Variants in G3BP2 observed in about 807,000 individuals in gnomAD.
G3BP2 encodes the protein ras GTPase-activating protein-binding protein 2.
A neutral mutation model predicts 56.7 loss-of-function variants in G3BP2; 11 were observed. The observed-to-expected ratio is 0.19, with a 90% CI of 0.12 to 0.32. The LOEUF (loss-of-function observed/expected upper bound fraction) is 0.32, where lower values mean the gene tolerates loss of function less well. Ranked by LOEUF, G3BP2 falls within the 10% of genes least tolerant of loss-of-function variation. G3BP2 has a pLI of 1.00. For synonymous variants in G3BP2, 165 were observed against 191.6 expected (o/e 0.86, Z 1.15); for missense variants, 340 against 610.9 (o/e 0.56, Z 4.67).
At chr4:75,657,406 T>A in intron 4 of G3BP2, 151 bp downstream of exon 4, 2 of 569,342 alleles carry the variant, frequency 3.5e-6, no homozygotes, top group Non-Finnish European at 6.1e-6. Context: ...TCAAAGCACA[T>A]GTACACACAC....
At chr4:75,719,887 C>T (rs1474561789) in intron 3 of G3BP2, among the ~76,000 whole-genome samples, 2 of 152,042 alleles carry the variant, frequency 1.3e-5, no homozygotes, top group Non-Finnish European at 2.9e-5. Context: ...CCGTGCCCGG[C>T]CTGGTCTCAT....
chr4:75,646,748 C>A (rs1174945153), intron 10 of G3BP2, among the ~76,000 whole-genome samples: 2 of 152,120 alleles, frequency 1.3e-5, no homozygotes, highest in East Asian at 1.9e-4. Flanking sequence ...AATATATTGA[C>A]CCATTTGCCA....
intron 3 of G3BP2, among the ~76,000 whole-genome samples, chr4:75,699,132 T>C (rs571106646): frequency 5.9e-5 from 9 of 152,314 alleles, no homozygotes; most frequent in African/African-American, 2.2e-4. Flanking sequence ...ACATTGCTTC[T>C]GTAGTTCTCC....
intron 2 of G3BP2, chr4:75,661,459 G>A (rs562887975): frequency 6.9e-6 from 1 of 145,930 alleles, no homozygotes; most frequent in South Asian, 2.2e-4. Flanking sequence ...TAGTTCTCCA[G>A]CACCTGCCCC....
chr4:75,647,060 A>T lies in G3BP2; in HGVS notation c.1026T>A (p.Ile342=). ...AGAATTCCTTTAGCTCATTTTCATC[A>T]ATATCATGTGGCAAGTTACCAACAA... is the stretch of plus-strand genomic sequence containing the variant. The part of the protein sequence containing the change: ...QLFVGNLPHD[I]DENELKEFFM... The change falls in exon 10 of 12, where the codon ATT becomes ATA. Residue 342 remains isoleucine (I), a synonymous_variant. Transcript: ENST00000359707. 1 of 1,597,908 alleles carries T rather than the reference A, an allele frequency of 6.3e-7. No homozygotes were observed. The highest frequency in any genetic ancestry group is 8.6e-7 in the Non-Finnish European group (1 of 1,168,132).
chr4:75,716,173 CT>C (rs796505168), intron 3 of G3BP2, among the ~76,000 whole-genome samples: 1 of 151,912 alleles, frequency 6.6e-6, no homozygotes, highest in Admixed American at 6.6e-5. Flanking sequence ...TTTTCTAGTT[CT>C]TTTTTTTCCC....
intron 8 of G3BP2, among the ~76,000 whole-genome samples, chr4:75,650,682 A>G (rs888337776): frequency 6.6e-6 from 1 of 152,082 alleles, no homozygotes; most frequent in East Asian, 1.9e-4. Context: ...ATTTATATGT[A>G]TTTACTCCTA....
At chr4:75,709,011 G>A (rs991663471) in intron 3 of G3BP2, among the ~76,000 whole-genome samples, 7 of 152,088 alleles carry the variant, frequency 4.6e-5, no homozygotes, top group African/African-American at 1.7e-4. Flanking sequence ...TTGGGAGGCC[G>A]AGGTGGGAGA....
chr4:75,713,092 T>C (rs199998178), intron 3 of G3BP2, among the ~76,000 whole-genome samples: 11 of 152,318 alleles, frequency 7.2e-5, no homozygotes, highest in East Asian at 1.9e-4. Flanking sequence ...ATTTAATCCT[T>C]ACACCAATGC....
At chr4:75,701,381 C>G (rs1435249590) in intron 3 of G3BP2, among the ~76,000 whole-genome samples, 1 of 152,172 alleles carries the variant, frequency 6.6e-6, no homozygotes, top group Non-Finnish European at 1.5e-5. Context: ...CAACCTCCGC[C>G]TCCTGAGTAG....
intron 3 of G3BP2, among the ~76,000 whole-genome samples, chr4:75,716,584 C>T (rs140802787): frequency 6.4e-4 from 98 of 152,148 alleles, no homozygotes; most frequent in African/African-American, 2.2e-3. Flanking sequence ...GGCGCGATCT[C>T]GGCTCACCGC....
intron 3 of G3BP2, among the ~76,000 whole-genome samples, chr4:75,689,274 G>T (rs2149078768): frequency 1.3e-5 from 2 of 152,210 alleles, no homozygotes; most frequent in African/African-American, 2.4e-5. Flanking sequence ...CTACTGGGGA[G>T]GCTGAGGCAG....
intron 8 of G3BP2, among the ~76,000 whole-genome samples, chr4:75,649,895 C>T (rs1166813207): frequency 1.3e-5 from 2 of 152,062 alleles, no homozygotes; most frequent in Non-Finnish European, 2.9e-5. Context: ...CCTGTAACCC[C>T]AGCTACTTGG....
intron 3 of G3BP2, among the ~76,000 whole-genome samples, chr4:75,688,527 C>A (rs566590363): frequency 6.6e-6 from 1 of 152,194 alleles, no homozygotes; most frequent in South Asian, 2.1e-4. Context: ...AATCTCATAA[C>A]CCAGTCACTC....
At chr4:75,665,469 T>C (rs192614957) in intron 1 of G3BP2, among the ~76,000 whole-genome samples, 3 of 152,104 alleles carry the variant, frequency 2.0e-5, no homozygotes, top group East Asian at 1.9e-4. Context: ...AACAAAGCAC[T>C]GGGCTGTGGC....
intron 9 of G3BP2, 89 bp downstream of exon 9, chr4:75,648,550 A>G (rs1481566493): frequency 1.5e-6 from 1 of 683,262 alleles, no homozygotes; most frequent in Middle Eastern, 2.8e-4. Context: ...GGGTCTGTGT[A>G]TAGAACGCAT....
At chr4:75,650,934 A>C (rs1731654062) in intron 8 of G3BP2, among the ~76,000 whole-genome samples, 1 of 152,232 alleles carries the variant, frequency 6.6e-6, no homozygotes, top group Non-Finnish European at 1.5e-5. Flanking sequence ...GATGTTCAGT[A>C]ACTATTTGTT....
At chr4:75,694,428 C>G (rs1040985191) in intron 3 of G3BP2, among the ~76,000 whole-genome samples, 2 of 152,198 alleles carry the variant, frequency 1.3e-5, no homozygotes, top group African/African-American at 4.8e-5. Flanking sequence ...GGTGAAACCC[C>G]CGTCTCTACT....
chr4:75,650,417 A>G (rs1034105518), intron 8 of G3BP2, among the ~76,000 whole-genome samples: 1 of 137,592 alleles, frequency 7.3e-6, no homozygotes, highest in South Asian at 2.2e-4. Flanking sequence ...CAAGAGAGAA[A>G]CTCCATCTCA....
Sources: gnomAD v4.1 joint callset for allele counts (sites outside exome capture counted in the v4.1 genomes callset) on GRCh38, gnomAD v4.1.1 for gene constraint, MANE v1.5 for transcripts, NCBI Gene and HGNC (gene_info 2026-07-23, HGNC 2026-07-21) for gene names.